The following PRR12 variants were observed in gnomAD, a reference collection of about 807,000 sequenced individuals.
The protein encoded by PRR12 is proline rich 12.
A neutral mutation model predicts 138.0 loss-of-function variants in PRR12; 12 were observed. The observed-to-expected ratio is 0.09, with a 90% CI of 0.06 to 0.14. PRR12 has a LOEUF of 0.14. Among genes scored for constraint, PRR12 ranks in the 10% least tolerant of loss-of-function variants. PRR12 has a pLI of 1.00. For synonymous variants in PRR12, 1,567 were observed against 1,291.7 expected (o/e 1.21, Z -4.57); for missense variants, 2,692 against 2,861.3 (o/e 0.94, Z 1.35).
chr19:49,620,998 C>T (rs1439702458), intron 10 of PRR12, among the ~76,000 whole-genome samples: 12 of 107,228 alleles, frequency 1.1e-4, no homozygotes, highest in South Asian at 4.1e-4. Flanking sequence ...GCCTGGACTC[C>T]TGGGTCTGAG....
At chr19:49,600,045 T>A in intron 5 of PRR12, 107 bp downstream of exon 5, 1 of 1,212,236 alleles carries the variant, frequency 8.2e-7, no homozygotes, top group Non-Finnish European at 1.1e-6. Flanking sequence ...TTCACATACA[T>A]GGTGTAAGCT....
intron 6 of PRR12, among the ~76,000 whole-genome samples, chr19:49,608,759 G>C (rs2080850839): frequency 6.6e-6 from 1 of 151,922 alleles, no homozygotes; most frequent in Non-Finnish European, 1.5e-5. Context: ...AGAATCACCT[G>C]AGCCCAGGAA....
intron 5 of PRR12, among the ~76,000 whole-genome samples, chr19:49,600,567 C>T (rs1057361469): frequency 6.6e-6 from 1 of 151,736 alleles, no homozygotes. Flanking sequence ...ACAGGAGGAT[C>T]GCTTGAGCCC....
chr19:49,599,870 C>T lies in PRR12; in HGVS notation c.4277C>T (p.Pro1426Leu), dbSNP rs1395182917. 2.5e-6 allele frequency: 4 copies of T among 1,612,710 alleles called. No individual in the cohort carries two copies. The African/African-American group carries it at 5.3e-5, about 22-fold the overall frequency. The stretch of plus-strand genomic sequence containing the variant: ...ACCCCAGATGGGCCGCCCTTGGCCC[C>T]CGCGGCTGCAGTTCCAGGGCCACCC... ...TSTPDGPPLAPAAAVPGPPPL... is the reference protein window; with the variant it reads ...TSTPDGPPLALAAAVPGPPPL... The change falls in exon 5 of 14, where the codon CCC becomes CTC. Residue 1426 changes from proline (P) to leucine (L), a missense_variant. Physicochemically the swap from Pro to Leu is moderately conservative, Grantham distance 98. This residue lies in a region of PRR12 where 231 missense variants were observed against 200.8 expected (regional missense o/e 1.15). Coordinates refer to ENST00000418929, the MANE Select transcript of PRR12 (RefSeq NM_020719.3). This position sits in a 1 kb window ranked among gnomAD's most constrained non-coding sequence, Gnocchi z 5.0.
intron 11 of PRR12, 81 bp downstream of exon 11, chr19:49,621,703 G>C: frequency 8.6e-7 from 1 of 1,165,622 alleles, no homozygotes; most frequent in Non-Finnish European, 1.2e-6. Context: ...CGCTGTTGGC[G>C]GGGGTGATCC....
intron 5 of PRR12, among the ~76,000 whole-genome samples, chr19:49,600,917 G>T (rs900341587): frequency 6.6e-6 from 1 of 152,028 alleles, no homozygotes; most frequent in Non-Finnish European, 1.5e-5. Flanking sequence ...TAGAGACGGG[G>T]TTTCACCATG....
Position 49,596,740 on chromosome 19 carries a change from T to C in PRR12, c.2405T>C (p.Leu802Pro). 6.3e-7 allele frequency: 1 copy of C among 1,594,004 alleles called. No individual in the cohort carries two copies. Among genetic ancestry groups the C allele is most frequent in the Non-Finnish European group, 8.5e-7 (1 of 1,175,034 alleles). ...LVLPPPPPQL[L>P]PSVLSHAPSP... is the part of the protein sequence containing the mutation. Reference sequence around the variant, plus strand: ...CTGCCTCCGCCTCCCCCCCAGCTGCTCCCCTCGGTCCTCAGCCATGCCCCC... The same window carrying C: ...CTGCCTCCGCCTCCCCCCCAGCTGCCCCCCTCGGTCCTCAGCCATGCCCCC... The change falls in exon 4 of 14, where the codon CTC becomes CCC. Residue 802 changes from leucine to proline, a missense_variant. Transcript: ENST00000418929. The surrounding 1 kb of genome is among the most constrained non-coding windows in gnomAD (Gnocchi z 5.6).
At chr19:49,610,302 T>TATCG (rs1221370155) in intron 6 of PRR12, among the ~76,000 whole-genome samples, 1 of 152,076 alleles carries the variant, frequency 6.6e-6, no homozygotes, top group Non-Finnish European at 1.5e-5. Flanking sequence ...TTCTCATTAA[T>TATCG]ATCGAGTCTG....
rs748620829 is a variant in PRR12 at position 49,597,002 on chromosome 19, G to A, written c.2667G>A (p.Pro889=). Reference sequence around the variant, plus strand: ...AGGAATTGCTCGGGGCTCTGGAGCCGCTGCCCCCGGCGCCTGGGGATACTG... The same window carrying A: ...AGGAATTGCTCGGGGCTCTGGAGCCACTGCCCCCGGCGCCTGGGGATACTG... ...AMQELLGALE[P]LPPAPGDTGV... is the part of the protein sequence containing the mutation. The change falls in exon 4 of 14, where the codon CCG becomes CCA. Residue 889 remains proline (P), a synonymous_variant. Transcript: ENST00000418929. The surrounding 1 kb of genome is among the most constrained non-coding windows in gnomAD (Gnocchi z 6.3). The A allele has an allele frequency of 2.6e-6, 4 of 1,557,236 alleles. No homozygotes were observed. Among genetic ancestry groups the A allele is most frequent in the East Asian group, 2.4e-5 (1 of 41,546 alleles).
At position 49,594,785 on chromosome 19, in the gene PRR12, T is replaced by C. The variant is rs763609308; in HGVS notation, c.450T>C (p.Ala150=). The C allele has an allele frequency of 3.5e-5, 56 of 1,613,326 alleles. No homozygotes were observed. The highest frequency in any genetic ancestry group is 4.5e-5 in the Non-Finnish European group (53 of 1,179,770). ...STFPSSSALS[A]YQHPASFGSR... is the part of the protein sequence containing the mutation. Reference sequence around the variant, plus strand: ...TTCCGTCCTCATCTGCCCTGTCGGCTTACCAACACCCGGCTTCCTTCGGCA... The same window carrying C: ...TTCCGTCCTCATCTGCCCTGTCGGCCTACCAACACCCGGCTTCCTTCGGCA... Residue 150 remains alanine, a synonymous_variant, in exon 4 of 14, where the codon GCT becomes GCC. Transcript: ENST00000418929. This position sits in a 1 kb window ranked among gnomAD's most constrained non-coding sequence, Gnocchi z 5.6.
In PRR12 at chr19:49,596,536, G is replaced by T. The variant is rs368869078; in HGVS notation, c.2201G>T (p.Arg734Leu). 9.3e-6 allele frequency: 15 copies of T among 1,608,598 alleles called. No individual in the cohort carries two copies. The highest frequency in any genetic ancestry group is 1.3e-5 in the African/African-American group (1 of 74,892). The change falls in exon 4 of 14, where the codon CGG (arginine) becomes CTG (leucine). Residue 734 changes from arginine to leucine, a missense_variant. Physicochemically the swap from Arg to Leu is moderately radical, Grantham distance 102 (BLOSUM62 -2). Transcript: ENST00000418929. The surrounding 1 kb of genome is among the most constrained non-coding windows in gnomAD (Gnocchi z 5.6). ...RLKEKKKGPE[R>L]GGETPEGLAT... ...AAGGAGAAGAAGAAAGGGCCAGAGC[G>T]GGGTGGCGAGACCCCCGAGGGGCTG... is the stretch of plus-strand genomic sequence containing the variant.
chr19:49,610,742 A>C (rs1281860493), intron 6 of PRR12, among the ~76,000 whole-genome samples: 1 of 151,692 alleles, frequency 6.6e-6, no homozygotes, highest in Non-Finnish European at 1.5e-5. Flanking sequence ...ACGGGGTTTC[A>C]CCATGTTAGC....
intron 4 of PRR12, among the ~76,000 whole-genome samples, chr19:49,598,599 C>G (rs1167874273): frequency 6.6e-6 from 1 of 152,114 alleles, no homozygotes; most frequent in East Asian, 1.9e-4. Flanking sequence ...GCGGGAGGAT[C>G]TCTTGAACCC....
rs1158930250 is a variant in PRR12, at chr19:49,625,486, A to G, written c.5990A>G (p.Glu1997Gly). The G allele has an allele frequency of 6.2e-7, 1 of 1,608,772 alleles. No homozygotes were observed. The highest frequency in any genetic ancestry group is 8.5e-7 in the Non-Finnish European group (1 of 1,178,286). ...ACCCTGGCCATCGAGGGCGGCGCCG[A>G]GGACCTGGGCCAGGAGGAGGTGGTC... ...DQTLAIEGGA[E>G]DLGQEEVVQQ... Residue 1997 changes from glutamate to glycine, a missense_variant, in exon 14 of 14, where the codon GAG (glutamate) becomes GGG (glycine). Coordinates refer to ENST00000418929, the MANE Select transcript of PRR12 (RefSeq NM_020719.3). This position sits in a 1 kb window ranked among gnomAD's most constrained non-coding sequence, Gnocchi z 5.5.
chr19:49,604,703 T>C (rs1398499538), intron 6 of PRR12, among the ~76,000 whole-genome samples: 4 of 151,944 alleles, frequency 2.6e-5, no homozygotes, highest in African/African-American at 9.7e-5. Flanking sequence ...AAAAAGAATA[T>C]TGACATTGTT....
rs2080799510 is a variant in PRR12 at position 49,599,819 on chromosome 19, C to A, written c.4226C>A (p.Pro1409His). 2.0e-5 allele frequency: 33 copies of A among 1,613,406 alleles called. No homozygotes were observed. Among genetic ancestry groups the A allele is most frequent in the African/African-American group, 4.0e-5 (3 of 74,926 alleles). Reference sequence around the variant, plus strand: ...GCCATCTCTGCCCTCGATGACCCACCCCTTGCTGGGCCAAAAGACACTTCC... The same window carrying A: ...GCCATCTCTGCCCTCGATGACCCACACCTTGCTGGGCCAAAAGACACTTCC... ...SSAISALDDPPLAGPKDTSTP... is the reference protein window; with the variant it reads ...SSAISALDDPHLAGPKDTSTP... Residue 1409 changes from proline (P) to histidine (H), a missense_variant, in exon 5 of 14, where the codon CCC becomes CAC. Around this residue, in one of 11 missense-constraint regions of PRR12, gnomAD observed 231 missense variants for 200.8 expected, o/e 1.15. Transcript: ENST00000418929. The surrounding 1 kb of genome is among the most constrained non-coding windows in gnomAD (Gnocchi z 5.0).
rs770767775 is a variant in PRR12, at chr19:49,594,409, C to T, written c.200-45C>T. ...CTTCCCTTTCTCTCTTGACTGTATC[C>T]TACCCACCCCCACCTGGCTGACTAT... On this transcript the variant is annotated intron_variant, in intron 2 of 13. Coordinates refer to ENST00000418929, the MANE Select transcript of PRR12 (RefSeq NM_020719.3). This position sits in a 1 kb window ranked among gnomAD's most constrained non-coding sequence, Gnocchi z 5.6. The T allele has an allele frequency of 2.7e-6, 4 of 1,501,546 alleles. No homozygotes were observed. In the South Asian group the frequency reaches 4.0e-5, roughly 15 times the overall value. 93.0% of individuals were successfully genotyped at this position (1,501,546 alleles called of 1,614,324 possible).
Position 49,595,306 on chromosome 19 carries a change from G to C in PRR12, c.971G>C (p.Gly324Ala). Residue 324 changes from glycine to alanine, a missense_variant, in exon 4 of 14, where the codon GGC (glycine) becomes GCC (alanine). By Grantham distance (60) the Gly-to-Ala change is moderately conservative. This residue lies in a region of PRR12 where 523 missense variants were observed against 496.4 expected (regional missense o/e 1.05). Coordinates refer to ENST00000418929, the MANE Select transcript of PRR12 (RefSeq NM_020719.3). ...LSCGGSYPSMGHRANLACSPL... is the reference protein window; with the variant it reads ...LSCGGSYPSMAHRANLACSPL... ...TGTGGAGGCAGCTACCCCTCCATGG[G>C]CCACCGGGCCAACCTGGCCTGCAGC... is the stretch of plus-strand genomic sequence containing the variant. 1 of 1,545,070 alleles carries C rather than the reference G, an allele frequency of 6.5e-7. No individual in the cohort carries two copies. Among genetic ancestry groups the C allele is most frequent in the South Asian group, 1.2e-5 (1 of 83,816 alleles).
intron 6 of PRR12, among the ~76,000 whole-genome samples, chr19:49,613,701 T>C (rs2080877841): frequency 6.6e-6 from 1 of 152,212 alleles, no homozygotes. Context: ...CACCCTGTTT[T>C]GTTTATTTGC....
Sources: allele counts gnomAD v4.1 joint callset (sites outside exome capture counted in the v4.1 genomes callset), GRCh38; gene constraint gnomAD v4.1.1; regional missense constraint gnomAD v4.1.1; non-coding constraint Gnocchi (gnomAD v3.1); transcripts MANE v1.5; gene names NCBI Gene and HGNC (gene_info 2026-07-23, HGNC 2026-07-21).